TUSC3: variants seen among roughly 807,000 people sequenced by gnomAD.
The protein encoded by TUSC3 is tumor suppressor candidate 3, also known as dolichyl-diphosphooligosaccharide--protein glycosyltransferase subunit TUSC3.
TUSC3 carries 45 observed loss-of-function variants against 44.8 expected under a neutral mutation model. The ratio of observed to expected loss-of-function variants is 1.00; its 90% CI spans 0.79 to 1.29. The LOEUF (loss-of-function observed/expected upper bound fraction) is 1.29, where lower values mean the gene tolerates loss of function less well. Ranked by LOEUF, TUSC3 falls within the 50% of genes most tolerant of loss-of-function variation. The probability of loss-of-function intolerance (pLI) is 0.00; values close to 1 mark genes in which losing one functional copy is unlikely to be tolerated. For missense variants in TUSC3, 519 were observed against 437.9 expected (o/e 1.19, Z -1.65); for synonymous variants, 212 against 152.9 (o/e 1.39, Z -2.85).
intron 3 of TUSC3, among the ~76,000 whole-genome samples, chr8:15,657,596 T>G (rs981701634): frequency 1.3e-4 from 20 of 152,192 alleles, no homozygotes; most frequent in African/African-American, 4.6e-4. Context: ...TTGTAGACTT[T>G]CCTTGCACCT....
At chr8:15,669,290 C>G (rs543595366) in intron 5 of TUSC3, among the ~76,000 whole-genome samples, 1 of 151,782 alleles carries the variant, frequency 6.6e-6, no homozygotes, top group Admixed American at 6.6e-5. Flanking sequence ...CTAAAACTTT[C>G]ATTCCATGAT....
the TUSC3 span, among the ~76,000 whole-genome samples, chr8:15,774,319 A>C: frequency 6.6e-6 from 1 of 152,144 alleles, no homozygotes; most frequent in Admixed American, 6.6e-5. Flanking sequence ...CTGCAAATGT[A>C]ATTAGTTAAG....
the TUSC3 span, among the ~76,000 whole-genome samples, chr8:15,832,119 A>C: frequency 6.6e-6 from 1 of 152,212 alleles, no homozygotes; most frequent in African/African-American, 2.4e-5. Context: ...CACAAGGCAG[A>C]AGAGATTGAG....
intron 1 of TUSC3, chr8:15,483,381 C>T: frequency 4.8e-6 from 1 of 207,712 alleles, no homozygotes; most frequent in Non-Finnish European, 9.8e-6. Context: ...ACTGTCATTG[C>T]CCAGGCTGGA....
intron 7 of TUSC3, among the ~76,000 whole-genome samples, chr8:15,742,099 C>G (rs1441443417): frequency 6.6e-6 from 1 of 152,132 alleles, no homozygotes; most frequent in Non-Finnish European, 1.5e-5. Context: ...CAGTCATTCT[C>G]TTAGAATATT....
At chr8:15,751,099 T>G (rs1811680612) in intron 9 of TUSC3, among the ~76,000 whole-genome samples, 1 of 152,124 alleles carries the variant, frequency 6.6e-6, no homozygotes, top group African/African-American at 2.4e-5. Context: ...TGTGCTATTG[T>G]GTGGGTTTAC....
At chr8:15,427,421 A>T (rs1799817395) in intron 1 of TUSC3, among the ~76,000 whole-genome samples, 1 of 152,012 alleles carries the variant, frequency 6.6e-6, no homozygotes, top group Admixed American at 6.6e-5. Context: ...AGGGAAAGGC[A>T]GTCTCCAATA....
chr8:15,447,020 G>A (rs1037107225), intron 1 of TUSC3, among the ~76,000 whole-genome samples: 3 of 151,652 alleles, frequency 2.0e-5, no homozygotes, highest in African/African-American at 7.3e-5. Flanking sequence ...TTGACATGGA[G>A]AGTAACTTCA....
chr8:15,840,095 G>T, the TUSC3 span, among the ~76,000 whole-genome samples: 1 of 152,140 alleles, frequency 6.6e-6, no homozygotes, highest in South Asian at 2.1e-4. Flanking sequence ...GATGAAGCTG[G>T]AAACCATCAT....
At chr8:15,535,126 T>G (rs1381786257) in intron 2 of TUSC3, among the ~76,000 whole-genome samples, 1 of 152,208 alleles carries the variant, frequency 6.6e-6, no homozygotes, top group East Asian at 1.9e-4. Context: ...TATGATAACT[T>G]TTTAAAAATA....
chr8:15,624,139 T>G (rs939527095), intron 2 of TUSC3, among the ~76,000 whole-genome samples: 10 of 152,238 alleles, frequency 6.6e-5, no homozygotes, highest in Non-Finnish European at 1.2e-4. Context: ...TCCAAGTTGT[T>G]ATATTTATCA....
the TUSC3 span, among the ~76,000 whole-genome samples, chr8:15,839,874 TGGGTATATACCCAAA>T: frequency 6.6e-6 from 1 of 152,230 alleles, no homozygotes; most frequent in Admixed American, 6.5e-5. Context: ...ATCCCATTAC[TGGGTATATACCCAAA>T]GGGTTATAAA....
chr8:15,764,207 T>C lies in TUSC3; in HGVS notation c.*51T>C, dbSNP rs748137303. On this transcript the variant is annotated 3_prime_UTR_variant, in exon 11 of 11. Transcript: ENST00000503731. ...ATAATTTTCTTTCTTTTTCAGCTTT[T>C]TAATTAAATGAAGCCAAGTGGGATT... 2 of 1,606,572 alleles carry C rather than the reference T, an allele frequency of 1.2e-6. No individual in the cohort carries two copies. The highest frequency in any genetic ancestry group is 2.7e-5 in the African/African-American group (2 of 74,694).
Position 15,746,751 on chromosome 8 carries a change from A to AGAT in TUSC3, c.938-1622_938-1620dup, listed in dbSNP as rs1008127915. On this transcript the variant is annotated intron_variant, in intron 8 of 10. Transcript: ENST00000503731. ...TTATTCTTCTGAAAAATAAAAAAGG[A>AGAT]GATGGAAGGAAAAGAAAAGAAAGAC... 3.2e-4 allele frequency among the ~76,000 whole-genome samples: 48 copies of AGAT among 152,194 alleles called. 1 individual carries two copies. The highest frequency in any genetic ancestry group is 1.0e-3 in the African/African-American group (43 of 41,544).
chr8:15,457,125 C>T (rs1396515373), intron 1 of TUSC3, among the ~76,000 whole-genome samples: 1 of 134,376 alleles, frequency 7.4e-6, no homozygotes, highest in Non-Finnish European at 1.5e-5. Context: ...AATGAGAACA[C>T]ATGGACACAG....
intron 8 of TUSC3, among the ~76,000 whole-genome samples, chr8:15,745,454 G>A (rs550883526): frequency 1.4e-4 from 22 of 151,896 alleles, no homozygotes; most frequent in South Asian, 4.2e-4. Context: ...TTTTCCCCAC[G>A]ACCTCACCGG....
intron 1 of TUSC3, among the ~76,000 whole-genome samples, chr8:15,544,765 A>C (rs1476928427): frequency 6.6e-6 from 1 of 151,780 alleles, no homozygotes; most frequent in African/African-American, 2.4e-5. Context: ...ACAGGAAATC[A>C]TGGTAGTTAT....
intron 1 of TUSC3, among the ~76,000 whole-genome samples, chr8:15,457,306 T>G (rs1800270021): frequency 2.0e-5 from 3 of 151,704 alleles, no homozygotes; most frequent in Non-Finnish European, 4.4e-5. Context: ...CCCTAGAACT[T>G]AAAGTATAAT....
At chr8:15,583,151 C>G (rs929538151) in intron 1 of TUSC3, among the ~76,000 whole-genome samples, 14 of 152,238 alleles carry the variant, frequency 9.2e-5, no homozygotes, top group Middle Eastern at 3.4e-3. Context: ...CTAAACAAAT[C>G]TAATGCAAAC....
Sources: allele counts gnomAD v4.1 joint callset (sites outside exome capture counted in the v4.1 genomes callset), GRCh38; gene constraint gnomAD v4.1.1; transcripts MANE v1.5; gene names NCBI Gene and HGNC (gene_info 2026-07-23, HGNC 2026-07-21).